MTAP: variants seen among roughly 807,000 people sequenced by gnomAD.
The protein encoded by MTAP is S-methyl-5'-thioadenosine phosphorylase.
Under a neutral mutation model 33.6 loss-of-function variants are expected in MTAP, and 33 were observed. That is an observed-to-expected ratio of 0.98 (90% CI 0.74 to 1.31). MTAP has a LOEUF of 1.31. MTAP is among the 40% of genes most tolerant of loss of function. MTAP has a pLI of 0.00. For synonymous variants in MTAP, 148 were observed against 125.7 expected (o/e 1.18, Z -1.19); for missense variants, 367 against 360.0 (o/e 1.02, Z -0.16).
chr9:21,829,530 G>A (rs1423372262), intron 4 of MTAP, among the ~76,000 whole-genome samples: 1 of 151,462 alleles, frequency 6.6e-6, no homozygotes, highest in Non-Finnish European at 1.5e-5. Context: ...TGCCTGGCCA[G>A]GCTCCTTTTC....
At chr9:21,914,203 C>A (rs1026062258) in intron 1 of MTAP, among the ~76,000 whole-genome samples, 3 of 152,122 alleles carry the variant, frequency 2.0e-5, no homozygotes, top group Non-Finnish European at 4.4e-5. Context: ...CTAGTTCAAC[C>A]ATTGTGGAAG....
chr9:21,816,081 G>T (rs1824466837), intron 2 of MTAP, among the ~76,000 whole-genome samples: 1 of 152,132 alleles, frequency 6.6e-6, no homozygotes, highest in African/African-American at 2.4e-5. Flanking sequence ...GAGGGTGTCT[G>T]CATTCTCCTA....
At chr9:21,806,750 G>A (rs1237011360) in intron 1 of MTAP, among the ~76,000 whole-genome samples, 2 of 152,068 alleles carry the variant, frequency 1.3e-5, no homozygotes, top group African/African-American at 2.4e-5. Context: ...AAGGGCAGGT[G>A]GTATTCCTGA....
intron 1 of MTAP, among the ~76,000 whole-genome samples, chr9:21,872,375 C>G (rs757154685): frequency 1.3e-5 from 2 of 152,106 alleles, no homozygotes; most frequent in South Asian, 2.1e-4. Flanking sequence ...ATAGTAAAAC[C>G]AATATTTTTT....
chr9:21,851,377 A>C (rs939059890), intron 5 of MTAP, among the ~76,000 whole-genome samples: 1 of 152,236 alleles, frequency 6.6e-6, no homozygotes, highest in African/African-American at 2.4e-5. Context: ...ATACAGTTGT[A>C]CTAAGAAAAT....
At chr9:21,931,424 C>G (rs145830622), downstream of MTAP, 1 of 418,356 alleles carries the variant, frequency 2.4e-6, no homozygotes, top group East Asian at 3.7e-5. Flanking sequence ...TTGTTAAACT[C>G]TCTCTCTAAA....
At chr9:21,820,047 TAGTC>T (rs1165031799) in intron 4 of MTAP, among the ~76,000 whole-genome samples, 3 of 152,256 alleles carry the variant, frequency 2.0e-5, no homozygotes, top group Non-Finnish European at 4.4e-5. Context: ...TATTAGCCCT[TAGTC>T]AGATGCGTAG....
intron 1 of MTAP, among the ~76,000 whole-genome samples, chr9:21,907,851 G>A (rs1324616369): frequency 6.6e-6 from 1 of 152,004 alleles, no homozygotes; most frequent in South Asian, 2.1e-4. Flanking sequence ...TGTATTTCAA[G>A]ATAATTGCTA....
At chr9:21,847,645 C>T (rs1190443696) in intron 5 of MTAP, among the ~76,000 whole-genome samples, 1 of 152,174 alleles carries the variant, frequency 6.6e-6, no homozygotes, top group Non-Finnish European at 1.5e-5. Context: ...GACCAGGGAA[C>T]ATAATGAAGC....
At chr9:21,823,686 G>A (rs545886996) in intron 4 of MTAP, among the ~76,000 whole-genome samples, 9 of 152,250 alleles carry the variant, frequency 5.9e-5, no homozygotes, top group Admixed American at 2.0e-4. Context: ...AAGTTCTCCT[G>A]GATAATATCC....
Position 21,865,355 on chromosome 9 carries a change from G to A in MTAP, c.*3341G>A. On this transcript the variant is annotated 3_prime_UTR_variant, in exon 8 of 8. Transcript: ENST00000644715. ...TTTCCTGAGGCCTTCCCAGCTATGT[G>A]GAACTGTGAGTTAATTAAACCTCTT... The A allele has an allele frequency of 1.2e-6, 1 of 816,870 alleles. No individual in the cohort carries two copies. The highest frequency in any genetic ancestry group is 1.5e-6 in the Non-Finnish European group (1 of 676,278). 50.6% of individuals were successfully genotyped at this position (816,870 alleles called of 1,614,324 possible).
chr9:21,843,661 T>C (rs775533486), intron 5 of MTAP, among the ~76,000 whole-genome samples: 10 of 152,154 alleles, frequency 6.6e-5, no homozygotes, highest in Non-Finnish European at 1.3e-4. Context: ...AGGTCAACAG[T>C]AAAGTCAAGA....
intron 1 of MTAP, among the ~76,000 whole-genome samples, chr9:21,920,977 T>C (rs1260687289): frequency 1.3e-5 from 2 of 152,150 alleles, no homozygotes; most frequent in Non-Finnish European, 2.9e-5. Flanking sequence ...TTGGAAGAGT[T>C]TGAGTTTTTT....
At chr9:21,923,781 C>T (rs972452515) in intron 1 of MTAP, among the ~76,000 whole-genome samples, 1 of 151,628 alleles carries the variant, frequency 6.6e-6, no homozygotes, top group African/African-American at 2.4e-5. Context: ...AGCTTCTCAT[C>T]TACTTAAAGA....
rs562756906 is a variant in MTAP, at chr9:21,914,407, TAAAG to T, written c.148-16597_148-16594del. On this transcript the variant is annotated intron_variant, in intron 1 of 1. Transcript: ENST00000577563. Reference sequence around the variant, plus strand: ...AAATGTCCATCAATGATAGACCTGATAAAGAAAATGTTGTACATATACACCATGG... The same window carrying T: ...AAATGTCCATCAATGATAGACCTGATAAAATGTTGTACATATACACCATGG... 2.6e-3 allele frequency among the ~76,000 whole-genome samples: 388 copies of T among 152,056 alleles called. 2 individuals carry two copies. Among genetic ancestry groups the T allele is most frequent in the African/African-American group, 9.0e-3 (373 of 41,464 alleles).
At chr9:21,905,492 AAC>A (rs1818461595) in intron 1 of MTAP, among the ~76,000 whole-genome samples, 2 of 152,196 alleles carry the variant, frequency 1.3e-5, no homozygotes, top group African/African-American at 2.4e-5. Context: ...AAACTTAAAA[AAC>A]ACACACACAT....
intron 4 of MTAP, among the ~76,000 whole-genome samples, chr9:21,830,564 CTT>C (rs1824941722): frequency 6.6e-6 from 1 of 152,168 alleles, no homozygotes; most frequent in African/African-American, 2.4e-5. Flanking sequence ...AGTATTTGAC[CTT>C]TAGTCTGTCC....
chr9:21,809,967 C>G (rs1824304969), intron 1 of MTAP, among the ~76,000 whole-genome samples: 1 of 152,204 alleles, frequency 6.6e-6, no homozygotes, highest in Admixed American at 6.5e-5. Flanking sequence ...GGTGTCTGCC[C>G]TTTAGACTGA....
chr9:21,810,032 C>T (rs1824306421), intron 1 of MTAP, among the ~76,000 whole-genome samples: 2 of 152,190 alleles, frequency 1.3e-5, no homozygotes, highest in African/African-American at 4.8e-5. Context: ...ATGTTTTGAG[C>T]GCTTGCATCA....
Sources: gnomAD v4.1 joint callset for allele counts (sites outside exome capture counted in the v4.1 genomes callset) on GRCh38, gnomAD v4.1.1 for gene constraint, MANE v1.5 for transcripts, NCBI Gene and HGNC (gene_info 2026-07-23, HGNC 2026-07-21) for gene names.